BIVM: variants seen among roughly 807,000 people sequenced by gnomAD.
BIVM encodes basic immunoglobulin-like variable motif-containing protein.
A neutral mutation model predicts 61.4 loss-of-function variants in BIVM; 31 were observed. That is an observed-to-expected ratio of 0.51 (90% confidence interval 0.38 to 0.68). The LOEUF is 0.68. Ranked by LOEUF, BIVM falls within the 30% of genes least tolerant of loss-of-function variation. The pLI, the probability that BIVM is intolerant of heterozygous loss-of-function variation, is 0.00. For synonymous variants in BIVM, 189 were observed against 210.7 expected, an observed-to-expected ratio of 0.90 and a Z score of 0.89; for missense variants, 526 against 596.0, an observed-to-expected ratio of 0.88 and a Z score of 1.22.
At chr13:102,823,844 AC>A (rs1880465423) in intron 7 of BIVM, among the ~76,000 whole-genome samples, 1 of 152,058 alleles carries the variant, frequency 6.6e-6, no homozygotes, top group South Asian at 2.1e-4. Context: ...ATATTTTCAA[AC>A]CCTTTTATTT....
chr13:102,804,644 G>A (rs911470038), intron 1 of BIVM, among the ~76,000 whole-genome samples: 2 of 151,812 alleles, frequency 1.3e-5, no homozygotes, highest in African/African-American at 4.8e-5. Flanking sequence ...ATTTTCAGTC[G>A]AGATGGGGTT....
intron 7 of BIVM, 81 bp from the exon 8 acceptor site, chr13:102,831,484 A>G (rs548852471): frequency 6.4e-7 from 1 of 1,571,994 alleles, no homozygotes; most frequent in South Asian, 1.2e-5. Context: ...TTCTGTCCTT[A>G]AGCCCTTAAC....
chr13:102,816,206 G>T (rs1330140920), intron 3 of BIVM, among the ~76,000 whole-genome samples: 1 of 152,248 alleles, frequency 6.6e-6, no homozygotes, highest in East Asian at 1.9e-4. Context: ...TTCTCTTTAA[G>T]GTAGGGGACT....
intron 4 of BIVM, chr13:102,820,493 T>G (rs1051023284): frequency 6.5e-6 from 1 of 153,046 alleles, no homozygotes; most frequent in Admixed American, 6.5e-5. Context: ...GAAAATTGTC[T>G]GGATTGCTTA....
chr13:102,819,569 G>A (rs1242883871), intron 4 of BIVM, among the ~76,000 whole-genome samples: 1 of 152,154 alleles, frequency 6.6e-6, no homozygotes, highest in Non-Finnish European at 1.5e-5. Context: ...ACACATGGAC[G>A]TAGGGAGGGA....
chr13:102,829,997 C>A (rs1490141308), intron 7 of BIVM, among the ~76,000 whole-genome samples: 1 of 152,126 alleles, frequency 6.6e-6, no homozygotes, highest in African/African-American at 2.4e-5. Flanking sequence ...TAAACTAGAT[C>A]ACGGGCTGTT....
intron 4 of BIVM, among the ~76,000 whole-genome samples, chr13:102,818,860 C>A (rs1395738858): frequency 2.6e-5 from 4 of 152,130 alleles, no homozygotes; most frequent in Non-Finnish European, 1.5e-5. Flanking sequence ...TTTAAAAATT[C>A]TTTCAGGCCA....
chr13:102,809,931 G>C (rs140018924), intron 3 of BIVM, among the ~76,000 whole-genome samples: 1 of 152,008 alleles, frequency 6.6e-6, no homozygotes, highest in South Asian at 2.1e-4. Context: ...GACTACAGGC[G>C]CCTGTCACCG....
chr13:102,840,652 C>G lies in BIVM; in HGVS notation c.*787C>G, dbSNP rs1381760016. The G allele has an allele frequency of 4.8e-5, 7 of 145,164 alleles. No homozygotes were observed. Among genetic ancestry groups the G allele is most frequent in the Admixed American group, 3.5e-4 (5 of 14,362 alleles). The allele number at this position is 145,164 out of a possible 1,614,324, so 9.0% of individuals were successfully genotyped here. A position where few individuals can be genotyped will look rare whatever the true frequency, so the allele number is the denominator to read the frequency against. ...TGAGCGGAGATCGCGCCACTGCACTCCAGCCTGGGCGACAGGGCAAGACTC... is the reference window on the plus strand; with the variant it reads ...TGAGCGGAGATCGCGCCACTGCACTGCAGCCTGGGCGACAGGGCAAGACTC... On this transcript the variant is annotated 3_prime_UTR_variant, in exon 11 of 11. Coordinates refer to ENST00000257336, the MANE Select transcript of BIVM (RefSeq NM_017693.4).
At position 102,807,795 on chromosome 13, in the gene BIVM, C is replaced by T. The variant is rs773321952; in HGVS notation, c.478+50C>T. ...TATGTGAAAATAATGAGAAAACAAA[C>T]ACTATGTCTTGTTTAATCTTGCCAT... On this transcript the variant is annotated intron_variant, in intron 3 of 10. Coordinates refer to ENST00000257336, the MANE Select transcript of BIVM (RefSeq NM_017693.4). This position sits in a 1 kb window ranked among gnomAD's most constrained non-coding sequence, Gnocchi z 4.0. 6.6e-7 allele frequency: 1 copy of T among 1,516,614 alleles called. No individual in the cohort carries two copies. The allele number at this position is 1,516,614 out of a possible 1,614,324, so 93.9% of individuals were successfully genotyped here.
chr13:102,839,507 G>A lies in BIVM; in HGVS notation c.1219-65G>A, dbSNP rs904891598. On this transcript the variant is annotated intron_variant, in intron 10 of 10. Transcript: ENST00000257336. ...AAAAAAGAAAGAAGGGAGTTCATAGGGACCTACAAATTAGTACAATTAATT... is the reference window on the plus strand; with the variant it reads ...AAAAAAGAAAGAAGGGAGTTCATAGAGACCTACAAATTAGTACAATTAATT... The A allele has an allele frequency of 3.2e-6, 5 of 1,569,292 alleles. No homozygotes were observed. In the East Asian group the frequency reaches 9.0e-5, roughly 28 times the overall value.
At chr13:102,832,206 T>C (rs1881142780) in intron 8 of BIVM, among the ~76,000 whole-genome samples, 1 of 152,164 alleles carries the variant, frequency 6.6e-6, no homozygotes, top group African/African-American at 2.4e-5. Flanking sequence ...TGTTTTTCTC[T>C]TAGAGACAGG....
At chr13:102,822,821 A>G (rs1880389199) in intron 7 of BIVM, among the ~76,000 whole-genome samples, 1 of 152,226 alleles carries the variant, frequency 6.6e-6, no homozygotes, top group South Asian at 2.1e-4. Flanking sequence ...ACACTTGTTA[A>G]TAGGGTGAGA....
Position 102,807,871 on chromosome 13 carries a change from T to C in BIVM, c.478+126T>C. 1 of 1,081,056 alleles carries C rather than the reference T, an allele frequency of 9.3e-7. No individual in the cohort carries two copies. The highest frequency in any genetic ancestry group is 1.7e-5 in the South Asian group (1 of 57,630). 67.0% of individuals were successfully genotyped at this position (1,081,056 alleles called of 1,614,324 possible). Reference sequence around the variant, plus strand: ...TAGATAAGGAACATGGCTATCATCTTGTCTGTCAATGTAGTTTTAGGAAAG... The same window carrying C: ...TAGATAAGGAACATGGCTATCATCTCGTCTGTCAATGTAGTTTTAGGAAAG... On this transcript the variant is annotated intron_variant, in intron 3 of 10. Coordinates refer to ENST00000257336, the MANE Select transcript of BIVM (RefSeq NM_017693.4). The surrounding 1 kb of genome is among the most constrained non-coding windows in gnomAD (Gnocchi z 4.0).
intron 1 of BIVM, chr13:102,801,785 A>G (rs370201680): frequency 2.0e-5 from 3 of 152,236 alleles, no homozygotes; most frequent in East Asian, 1.9e-4. Flanking sequence ...TAAAATTGCC[A>G]CCTGGTAAGA....
rs1332954449 is a variant in BIVM at position 102,840,307 on chromosome 13, G to C, written c.*442G>C. 6.5e-6 allele frequency: 1 copy of C among 153,746 alleles called. No individual in the cohort carries two copies. Among genetic ancestry groups the C allele is most frequent in the African/African-American group, 2.4e-5 (1 of 41,382 alleles). The allele number at this position is 153,746 out of a possible 1,614,324, so 9.5% of individuals were successfully genotyped here. ...TCTGCCCTTAAAAAAAATTGGGGCT[G>C]TCAATTTCTAGTTTTCACTCATGGT... On this transcript the variant is annotated 3_prime_UTR_variant, in exon 11 of 11. Coordinates refer to ENST00000257336, the MANE Select transcript of BIVM (RefSeq NM_017693.4).
chr13:102,838,558 C>A, intron 9 of BIVM, 85 bp from the exon 10 acceptor site: 1 of 1,119,380 alleles, frequency 8.9e-7, no homozygotes, highest in Non-Finnish European at 1.2e-6. Flanking sequence ...GATAATATTG[C>A]AGCAACTTGC....
intron 3 of BIVM, among the ~76,000 whole-genome samples, chr13:102,808,292 T>C (rs144319427): frequency 1.6e-4 from 25 of 152,344 alleles, no homozygotes; most frequent in African/African-American, 5.5e-4. Context: ...CTATGGCAGA[T>C]AGAAATACTT....
intron 4 of BIVM, chr13:102,820,751 C>T (rs948342183): frequency 3.2e-6 from 1 of 312,074 alleles, no homozygotes; most frequent in African/African-American, 2.3e-5. Context: ...GGAGTTTACA[C>T]CAAACTTTTA....
Sources: gnomAD v4.1 joint callset for allele counts (sites outside exome capture counted in the v4.1 genomes callset) on GRCh38, gnomAD v4.1.1 for gene constraint, Gnocchi (gnomAD v3.1) non-coding constraint, MANE v1.5 for transcripts, NCBI Gene and HGNC (gene_info 2026-07-23, HGNC 2026-07-21) for gene names.